ABI3BP: variants seen among roughly 807,000 people sequenced by gnomAD.
The protein encoded by ABI3BP is ABI family member 3 binding protein.
ABI3BP carries 216 observed loss-of-function variants against 268.6 expected under a neutral mutation model. That is an observed-to-expected ratio of 0.80 (90% CI 0.72 to 0.90). The LOEUF is 0.90. Among genes scored for constraint, ABI3BP ranks in the 40% least tolerant of loss-of-function variants. ABI3BP has a pLI of 0.00. For synonymous variants in ABI3BP, 730 were observed against 730.0 expected (o/e 1.00, Z 0.00); for missense variants, 2,090 against 2,182.4 (o/e 0.96, Z 0.84).
chr3:100,983,179 C>T (rs1017004792), intron 1 of ABI3BP, among the ~76,000 whole-genome samples: 1 of 152,152 alleles, frequency 6.6e-6, no homozygotes, highest in East Asian at 1.9e-4. Flanking sequence ...GCAAAGCGCC[C>T]CTGTTCAGAG....
rs148681265 is a variant in ABI3BP at position 100,845,132 on chromosome 3, C to T, written c.1723+1240G>A. 2.0e-5 allele frequency among the ~76,000 whole-genome samples: 3 copies of T among 152,222 alleles called. No homozygotes were observed. The East Asian group carries it at 5.8e-4, about 29-fold the overall frequency. The stretch of plus-strand genomic sequence containing the variant: ...TTGGTGACTCAAGCTTGGTAATAGT[C>T]CTCTGTTCAAAATACAGCATAGTTA... On this transcript the variant is annotated intron_variant, in intron 20 of 67. Coordinates refer to ENST00000471714, the MANE Select transcript of ABI3BP (RefSeq NM_001375547.2).
At chr3:100,824,287 G>A (rs1460240508) in intron 36 of ABI3BP, among the ~76,000 whole-genome samples, 1 of 152,104 alleles carries the variant, frequency 6.6e-6, no homozygotes, top group African/African-American at 2.4e-5. Context: ...CCCAACACAT[G>A]TGGTCCTTCT....
intron 14 of ABI3BP, among the ~76,000 whole-genome samples, chr3:100,855,469 T>A (rs2098929261): frequency 6.6e-6 from 1 of 152,244 alleles, no homozygotes; most frequent in South Asian, 2.1e-4. Context: ...ATTGTGTCTA[T>A]CATGCTCATT....
chr3:100,850,566 T>C, intron 16 of ABI3BP, 94 bp downstream of exon 16: 2 of 880,170 alleles, frequency 2.3e-6, no homozygotes, highest in Non-Finnish European at 1.9e-6. Context: ...TGATTAGATG[T>C]GATGGAATGA....
intron 57 of ABI3BP, among the ~76,000 whole-genome samples, chr3:100,781,147 C>T (rs2929615): frequency 5.9e-5 from 9 of 152,106 alleles, no homozygotes; most frequent in Non-Finnish European, 2.9e-5. Context: ...CATTAATATA[C>T]TAGTTAGTAC....
intron 1 of ABI3BP, among the ~76,000 whole-genome samples, chr3:100,955,386 C>T (rs945266013): frequency 6.6e-6 from 1 of 152,170 alleles, no homozygotes; most frequent in Non-Finnish European, 1.5e-5. Context: ...TTTCCCTTTA[C>T]AACATGTTCA....
chr3:100,777,487 A>C (rs1343679027), intron 59 of ABI3BP, among the ~76,000 whole-genome samples: 1 of 152,218 alleles, frequency 6.6e-6, no homozygotes, highest in Non-Finnish European at 1.5e-5. Context: ...TCAGAGAAAA[A>C]AAACCAAGGA....
At chr3:100,978,519 A>C (rs1414611475) in intron 1 of ABI3BP, among the ~76,000 whole-genome samples, 3 of 152,206 alleles carry the variant, frequency 2.0e-5, no homozygotes, top group Non-Finnish European at 4.4e-5. Context: ...GAAGTTTTAG[A>C]CATTACTCAC....
At chr3:100,942,506 A>G (rs532623510) in intron 1 of ABI3BP, among the ~76,000 whole-genome samples, 2 of 152,224 alleles carry the variant, frequency 1.3e-5, no homozygotes, top group South Asian at 2.1e-4. Flanking sequence ...AATACATAGA[A>G]AAGTAACCCG....
intron 41 of ABI3BP, 95 bp downstream of exon 41, chr3:100,818,430 A>G (rs2098119253): frequency 1.9e-6 from 2 of 1,040,548 alleles, no homozygotes; most frequent in African/African-American, 3.2e-5. Context: ...ATGACAAAGA[A>G]TGACAGGATG....
At chr3:100,981,253 A>T (rs2089272906) in intron 1 of ABI3BP, among the ~76,000 whole-genome samples, 1 of 151,692 alleles carries the variant, frequency 6.6e-6, no homozygotes, top group African/African-American at 2.4e-5. Flanking sequence ...TAAAAAAAAA[A>T]ATAAAGTGTG....
At position 100,775,349 on chromosome 3, in the gene ABI3BP, C is replaced by A; in HGVS notation, c.4334-14G>T. ...ATGAAATGATTCCTGTAAAGTAGAG[C>A]CAAAGTAGTCAGGCTTTATAGGAAC... On this transcript the variant is annotated splice_polypyrimidine_tract_variant and intron_variant, in intron 59 of 67. Transcript: ENST00000471714. The A allele has an allele frequency of 6.3e-7, 1 of 1,593,230 alleles. No homozygotes were observed. Among genetic ancestry groups the A allele is most frequent in the Non-Finnish European group, 8.6e-7 (1 of 1,168,950 alleles).
chr3:100,897,811 T>C (rs1582521035), intron 4 of ABI3BP, among the ~76,000 whole-genome samples: 1 of 152,212 alleles, frequency 6.6e-6, no homozygotes, highest in East Asian at 1.9e-4. Context: ...CAAAAAGGAA[T>C]AAGAAAACTT....
At chr3:100,844,261 T>C (rs980041810) in intron 20 of ABI3BP, 7 of 985,316 alleles carry the variant, frequency 7.1e-6, no homozygotes, top group Non-Finnish European at 7.2e-6. Flanking sequence ...AACAAACACC[T>C]GTAATTGGGG....
At chr3:100,908,713 C>T (rs1404844925) in intron 2 of ABI3BP, among the ~76,000 whole-genome samples, 3 of 152,086 alleles carry the variant, frequency 2.0e-5, no homozygotes, top group Non-Finnish European at 4.4e-5. Flanking sequence ...ATGTGAAGGA[C>T]CTCTTCAAGG....
At chr3:100,878,807 G>A (rs894488961) in intron 6 of ABI3BP, among the ~76,000 whole-genome samples, 2 of 152,194 alleles carry the variant, frequency 1.3e-5, no homozygotes, top group African/African-American at 2.4e-5. Flanking sequence ...CAGCAAAAGC[G>A]TTGCTGGCAT....
intron 2 of ABI3BP, among the ~76,000 whole-genome samples, chr3:100,907,074 G>A (rs1461769337): frequency 1.3e-5 from 2 of 152,174 alleles, no homozygotes; most frequent in Admixed American, 6.5e-5. Flanking sequence ...ACAGACTCTG[G>A]AAACAGATTA....
At position 100,770,716 on chromosome 3, in the gene ABI3BP, A is replaced by G. The variant is rs147583098; in HGVS notation, c.4741+27T>C. On this transcript the variant is annotated intron_variant, in intron 62 of 67. Coordinates refer to ENST00000471714, the MANE Select transcript of ABI3BP (RefSeq NM_001375547.2). ...TATCTTGTTATCAAAGCTTCCCACC[A>G]TAACAGTCCTCATGCCATGATCTTA... The G allele has an allele frequency of 2.2e-3, 3,169 of 1,430,462 alleles. 26 individuals are homozygous for G. Among genetic ancestry groups the G allele is most frequent in the South Asian group, 0.021 (1,168 of 56,566 alleles). The allele number at this position is 1,430,462 out of a possible 1,614,324, so 88.6% of individuals were successfully genotyped here.
At chr3:100,802,560 ACTGAGTGG>A (rs1385000554) in intron 51 of ABI3BP, among the ~76,000 whole-genome samples, 1 of 152,142 alleles carries the variant, frequency 6.6e-6, no homozygotes, top group Non-Finnish European at 1.5e-5. Context: ...AGATAATTCA[ACTGAGTGG>A]CTGGAAGGTT....
Sources: gnomAD v4.1 joint callset for allele counts (sites outside exome capture counted in the v4.1 genomes callset) on GRCh38, gnomAD v4.1.1 for gene constraint, MANE v1.5 for transcripts, NCBI Gene and HGNC (gene_info 2026-07-23, HGNC 2026-07-21) for gene names.